The following TCF12 variants were observed in gnomAD, a reference collection of about 807,000 sequenced individuals.
TCF12 encodes the protein transcription factor 12.
In TCF12, 45 loss-of-function variants were observed where a neutral mutation model predicts 86.0. The observed-to-expected ratio is 0.52, with a 90% CI of 0.41 to 0.67. TCF12 has a LOEUF of 0.67. Ranked by LOEUF, TCF12 falls within the 30% of genes least tolerant of loss-of-function variation. The probability of loss-of-function intolerance (pLI) is 0.00; values close to 1 mark genes in which losing one functional copy is unlikely to be tolerated. For missense variants in TCF12, 881 were observed against 859.9 expected, an observed-to-expected ratio of 1.02 and a Z score of -0.31; for synonymous variants, 330 against 299.6, an observed-to-expected ratio of 1.10 and a Z score of -1.05.
chr15:57,089,720 G>A (rs2703587), intron 4 of TCF12, among the ~76,000 whole-genome samples: 10,358 of 151,820 alleles, frequency 0.068, 827 homozygotes, highest in African/African-American at 0.19. Flanking sequence ...TAGCTGTTCC[G>A]CAAGCACATT....
At chr15:57,285,008 T>G (rs1289124456) in intron 20 of TCF12, among the ~76,000 whole-genome samples, 1 of 152,264 alleles carries the variant, frequency 6.6e-6, no homozygotes, top group Non-Finnish European at 1.5e-5. Flanking sequence ...GAATGCACTT[T>G]GTTCCATAGA....
chr15:57,066,827 G>T (rs141126692), intron 4 of TCF12, among the ~76,000 whole-genome samples: 202 of 152,284 alleles, frequency 1.3e-3, no homozygotes, highest in Non-Finnish European at 2.5e-3. Context: ...TATGTTATAT[G>T]TTACTGTATG....
intron 3 of TCF12, among the ~76,000 whole-genome samples, chr15:57,002,801 G>A (rs1376957449): frequency 6.6e-6 from 1 of 152,208 alleles, no homozygotes; most frequent in Non-Finnish European, 1.5e-5. Context: ...TTCTCATGCT[G>A]TACTACTGTA....
In TCF12 at chr15:57,028,982, A is replaced by G. The variant is rs140405304; in HGVS notation, c.149-34768A>G. On this transcript the variant is annotated intron_variant, in intron 3 of 20. Coordinates refer to ENST00000333725, the MANE Select transcript of TCF12 (RefSeq NM_207037.2). ...CCAGCTAATTTTTTATATTTTTAGT[A>G]GAGACGGGGTTTTACCATGTTGGCC... Among the ~76,000 whole-genome samples the G allele has an allele frequency of 2.6e-3, 396 of 152,178 alleles. 11 individuals carry two copies. The highest frequency in any genetic ancestry group is 0.024 in the Admixed American group (366 of 15,288).
At chr15:57,254,149 G>A (rs544164761) in intron 16 of TCF12, among the ~76,000 whole-genome samples, 1 of 152,272 alleles carries the variant, frequency 6.6e-6, no homozygotes, top group African/African-American at 2.4e-5. Flanking sequence ...CTTATACCAT[G>A]TGTTGGCATG....
At chr15:56,957,009 C>T (rs1473851931) in intron 3 of TCF12, among the ~76,000 whole-genome samples, 1 of 152,192 alleles carries the variant, frequency 6.6e-6, no homozygotes, top group Admixed American at 6.5e-5. Flanking sequence ...GCTCTGTCTT[C>T]GAGAATGGAC....
chr15:56,988,282 T>TA (rs1428802764), intron 3 of TCF12, among the ~76,000 whole-genome samples: 1 of 152,182 alleles, frequency 6.6e-6, no homozygotes, highest in Non-Finnish European at 1.5e-5. Flanking sequence ...CTAGGGGGTA[T>TA]ATAGCCTACT....
rs572687370 is a variant in TCF12 at position 56,925,171 on chromosome 15, C to T, written c.148+4073C>T. Among the ~76,000 whole-genome samples the T allele has an allele frequency of 1.3e-4, 20 of 152,218 alleles. No individual in the cohort carries two copies. The East Asian group carries it at 3.7e-3, about 28-fold the overall frequency. Reference sequence around the variant, plus strand: ...CTGAGATGGCGCAGCCAGTGTACTCCAGTCTTGGCAACAGAATGAGACTCT... The same window carrying T: ...CTGAGATGGCGCAGCCAGTGTACTCTAGTCTTGGCAACAGAATGAGACTCT... On this transcript the variant is annotated intron_variant, in intron 3 of 20. Transcript: ENST00000333725.
intron 18 of TCF12, among the ~76,000 whole-genome samples, chr15:57,268,680 G>T (rs2060982642): frequency 1.3e-5 from 2 of 152,066 alleles, no homozygotes; most frequent in African/African-American, 4.8e-5. Flanking sequence ...ATCATAAATA[G>T]AACTTTCTAT....
chr15:57,273,348 GTTGT>G (rs773433999), intron 19 of TCF12, 86 bp downstream of exon 19: 42 of 1,385,638 alleles, frequency 3.0e-5, no homozygotes, highest in Non-Finnish European at 4.2e-5. Context: ...GCTTGGAGAA[GTTGT>G]TTGTTATTTC....
chr15:57,229,672 A>G (rs185826779), intron 8 of TCF12, among the ~76,000 whole-genome samples: 103 of 152,054 alleles, frequency 6.8e-4, no homozygotes, highest in African/African-American at 2.3e-3. Context: ...ATTTAGCAAC[A>G]TAACTACTTC....
intron 5 of TCF12, among the ~76,000 whole-genome samples, chr15:57,124,046 C>G (rs1274119900): frequency 6.6e-6 from 1 of 150,668 alleles, no homozygotes; most frequent in African/African-American, 2.4e-5. Context: ...AATTCCTGAG[C>G]TCAAGTGATC....
chr15:57,267,887 G>A (rs762603721), intron 18 of TCF12, among the ~76,000 whole-genome samples: 4 of 152,176 alleles, frequency 2.6e-5, no homozygotes, highest in Non-Finnish European at 5.9e-5. Context: ...TCTAAAAGGA[G>A]ACTTTCTGTT....
chr15:57,279,550 T>C (rs1300398487), intron 19 of TCF12, among the ~76,000 whole-genome samples: 1 of 152,210 alleles, frequency 6.6e-6, no homozygotes, highest in Admixed American at 6.5e-5. Context: ...CAAAGTTGTG[T>C]ATTTATTTCA....
intron 5 of TCF12, among the ~76,000 whole-genome samples, chr15:57,116,933 T>C (rs2050877295): frequency 6.6e-6 from 1 of 152,134 alleles, no homozygotes. Context: ...TTTTTGGGTG[T>C]GAGTTGATTT....
intron 5 of TCF12, among the ~76,000 whole-genome samples, chr15:57,104,029 C>G (rs1251943948): frequency 6.6e-6 from 1 of 151,936 alleles, no homozygotes; most frequent in Non-Finnish European, 1.5e-5. Context: ...AACAAAAAAA[C>G]ACTTCAAAAT....
chr15:57,198,309 G>C (rs2057371470), intron 8 of TCF12, among the ~76,000 whole-genome samples: 1 of 152,156 alleles, frequency 6.6e-6, no homozygotes, highest in South Asian at 2.1e-4. Flanking sequence ...AAATCACCAA[G>C]TCAGATGTTC....
chr15:57,181,268 T>C (rs1237664072), intron 6 of TCF12, among the ~76,000 whole-genome samples: 2 of 152,092 alleles, frequency 1.3e-5, no homozygotes, highest in Admixed American at 6.6e-5. Context: ...GTTTTTTTTA[T>C]TTTTTATTTT....
chr15:57,081,342 AT>A (rs760348484), intron 4 of TCF12, among the ~76,000 whole-genome samples: 9 of 152,134 alleles, frequency 5.9e-5, no homozygotes, highest in African/African-American at 1.7e-4. Context: ...CTGGATTCAA[AT>A]CCCCATCCTA....
Sources: gnomAD v4.1 joint callset for allele counts (sites outside exome capture counted in the v4.1 genomes callset) on GRCh38, gnomAD v4.1.1 for gene constraint, MANE v1.5 for transcripts, NCBI Gene and HGNC (gene_info 2026-07-23, HGNC 2026-07-21) for gene names.